Variants in KLHL22 observed in about 807,000 individuals in gnomAD.
The protein encoded by KLHL22 is kelch like family member 22.
KLHL22 carries 18 observed loss-of-function variants against 60.7 expected under a neutral mutation model. The observed-to-expected ratio is 0.30, with a 90% confidence interval of 0.20 to 0.44. The LOEUF (loss-of-function observed/expected upper bound fraction) is 0.44. Ranked by LOEUF, KLHL22 falls within the 20% of genes least tolerant of loss-of-function variation. The probability of loss-of-function intolerance (pLI) is 1.00; values close to 1 mark genes in which losing one functional copy is unlikely to be tolerated. For synonymous variants in KLHL22, 355 were observed against 354.5 expected, an observed-to-expected ratio of 1.00 and a Z score of -0.01; for missense variants, 596 against 852.3, an observed-to-expected ratio of 0.70 and a Z score of 3.74.
chr22:20,476,850 A>G (rs1230925254), intron 2 of KLHL22, among the ~76,000 whole-genome samples: 1 of 151,006 alleles, frequency 6.6e-6, no homozygotes, highest in Non-Finnish European at 1.5e-5. Flanking sequence ...CTGGAATTAT[A>G]GGCATGTGCC....
chr22:20,483,268 G>A, intron 2 of KLHL22: 1 of 700,564 alleles, frequency 1.4e-6, no homozygotes, highest in Non-Finnish European at 2.6e-6. Flanking sequence ...GGTGACCACT[G>A]TGGTGCTCTC....
chr22:20,489,313 C>A, intron 1 of KLHL22, 69 bp from the exon 2 acceptor site: 2 of 1,157,886 alleles, frequency 1.7e-6, no homozygotes, highest in Non-Finnish European at 2.5e-6. Context: ...ACAGACTGGC[C>A]AGCTCTGTTG....
chr22:20,470,394 A>ATCCAAAGTGG (rs2053296277), intron 3 of KLHL22, among the ~76,000 whole-genome samples: 1 of 151,844 alleles, frequency 6.6e-6, no homozygotes, highest in Admixed American at 6.6e-5. Flanking sequence ...TCACACCTGT[A>ATCCAAAGTGG]ATCGCAACAC....
chr22:20,470,786 A>AGATGGATAGATGGATG (rs2053309271), intron 3 of KLHL22, among the ~76,000 whole-genome samples: 1 of 137,648 alleles, frequency 7.3e-6, no homozygotes, highest in Admixed American at 7.2e-5. Flanking sequence ...ATGGATGGAT[A>AGATGGATAGATGGATG]GATGGATGGA....
intron 1 of KLHL22, chr22:20,489,742 TAATGGATGCATAAA>T (rs1184043737): frequency 2.1e-6 from 1 of 471,186 alleles, no homozygotes; most frequent in Non-Finnish European, 4.4e-6. Flanking sequence ...TTCCTCATAG[TAATGGATGCATAAA>T]AATGGCAAGA....
intron 2 of KLHL22, among the ~76,000 whole-genome samples, chr22:20,473,636 G>A (rs1283242191): frequency 1.3e-5 from 2 of 152,200 alleles, no homozygotes; most frequent in African/African-American, 2.4e-5. Flanking sequence ...AGGACTTTGG[G>A]AGGCCGAGGC....
Position 20,441,946 on chromosome 22 carries a change from G to T in KLHL22, c.*127C>A. Reference sequence around the variant, plus strand: ...GGGCTGGTGTGAAGAAAGAGGGCAGGGCCCATAAGCTGTGGCCAACAGGGG... The same window carrying T: ...GGGCTGGTGTGAAGAAAGAGGGCAGTGCCCATAAGCTGTGGCCAACAGGGG... On this transcript the variant is annotated 3_prime_UTR_variant, in exon 7 of 7. Transcript: ENST00000328879. 2.1e-6 allele frequency: 2 copies of T among 946,794 alleles called. No homozygotes were observed. The highest frequency in any genetic ancestry group is 3.0e-6 in the Non-Finnish European group (2 of 668,050). 58.6% of individuals were successfully genotyped at this position (946,794 alleles called of 1,614,324 possible).
intron 1 of KLHL22, among the ~76,000 whole-genome samples, chr22:20,494,042 G>A (rs1285475492): frequency 1.5e-5 from 2 of 131,274 alleles, no homozygotes; most frequent in Non-Finnish European, 3.2e-5. Flanking sequence ...TTGTGCCATT[G>A]CACTCCAGCC....
At chr22:20,483,497 C>T (rs1275554820) in intron 2 of KLHL22, 8 of 734,230 alleles carry the variant, frequency 1.1e-5, no homozygotes, top group South Asian at 4.0e-5. Flanking sequence ...TTGAGAGCTT[C>T]GATCTCTGTC....
chr22:20,493,242 A>T (rs1346792961), intron 1 of KLHL22: 4 of 471,056 alleles, frequency 8.5e-6, no homozygotes, highest in Non-Finnish European at 1.8e-5. Flanking sequence ...ACGGTAAAAC[A>T]GAAAGACATC....
chr22:20,452,956 G>C (rs2053002733), intron 5 of KLHL22, among the ~76,000 whole-genome samples: 3 of 152,112 alleles, frequency 2.0e-5, no homozygotes, highest in African/African-American at 7.2e-5. Context: ...CTTTAGTGTA[G>C]ATTTTATTCA....
intron 2 of KLHL22, chr22:20,488,685 A>AGGGGC: frequency 2.3e-6 from 1 of 440,682 alleles, no homozygotes; most frequent in Non-Finnish European, 4.1e-6. Context: ...ATGGTAAGGG[A>AGGGGC]GGGGAGGAGA....
chr22:20,442,071 G>T lies in KLHL22; in HGVS notation c.*2C>A, dbSNP rs780121706. 2 of 1,501,638 alleles carry T rather than the reference G, an allele frequency of 1.3e-6. No homozygotes were observed. The highest frequency in any genetic ancestry group is 2.3e-5 in the Admixed American group (1 of 42,690). The allele number at this position is 1,501,638 out of a possible 1,614,324, so 93.0% of individuals were successfully genotyped here. ...TTCCCTCTGATGCCAGGCACAGGGA[G>T]CCTAGTCCTCACTGGAGTTGTCAAA... On this transcript the variant is annotated 3_prime_UTR_variant, in exon 7 of 7. Coordinates refer to ENST00000328879, the MANE Select transcript of KLHL22 (RefSeq NM_032775.4).
chr22:20,462,226 G>A (rs368139312), intron 4 of KLHL22, among the ~76,000 whole-genome samples: 26 of 136,802 alleles, frequency 1.9e-4, no homozygotes, highest in East Asian at 1.0e-3. Context: ...GCAGTGAGCC[G>A]AGATCGTGCC....
chr22:20,478,349 G>A (rs1002474120), intron 2 of KLHL22, among the ~76,000 whole-genome samples: 2 of 151,452 alleles, frequency 1.3e-5, no homozygotes, highest in East Asian at 3.9e-4. Context: ...GGGATTACAG[G>A]CATGCGCCAC....
At chr22:20,449,276 G>A (rs1041508232) in intron 5 of KLHL22, among the ~76,000 whole-genome samples, 12 of 152,072 alleles carry the variant, frequency 7.9e-5, no homozygotes, top group Admixed American at 5.2e-4. Context: ...TAGCCAGGAT[G>A]GTCTCAATCT....
intron 1 of KLHL22, among the ~76,000 whole-genome samples, chr22:20,494,454 C>T (rs2053738817): frequency 6.6e-6 from 1 of 152,078 alleles, no homozygotes; most frequent in African/African-American, 2.4e-5. Flanking sequence ...GGTCTTGGCT[C>T]ACTGCAGCCT....
In KLHL22 at chr22:20,457,925, A is replaced by C; in HGVS notation, c.1188T>G (p.Val396=). The part of the protein sequence containing the change: ...QQEHADLSVC[V]VGRYIYAVAG... ...CCACAGCGTAGATGTACCTGCCTAC[A>C]ACACACACGGACAGGTCGGCGTGCT... Residue 396 remains valine, a synonymous_variant, in exon 5 of 7, where the codon GTT becomes GTG. Coordinates refer to ENST00000328879, the MANE Select transcript of KLHL22 (RefSeq NM_032775.4). 6.2e-7 allele frequency: 1 copy of C among 1,614,182 alleles called. No individual in the cohort carries two copies.
In KLHL22 at chr22:20,465,261, GC is replaced by G; in HGVS notation, c.708del (p.Glu236AspfsTer13). ...CGCACTGTCTCAAGGAGCTTTGGGG[GC>G]TCGTGCAGCGAGATCTGGTCAGCCT... is the stretch of plus-strand genomic sequence containing the variant. Reference protein sequence around the residue: ...QVQADQISLHEPPKLLETVRF... With the variant: ...QVQADQISLHXPPKLLETVRF... On this transcript the variant is annotated frameshift_variant, in exon 4 of 7. Coordinates refer to ENST00000328879, the MANE Select transcript of KLHL22 (RefSeq NM_032775.4). LOFTEE classifies it high-confidence loss of function. The surrounding 1 kb of genome is among the most constrained non-coding windows in gnomAD (Gnocchi z 4.9). 1 of 1,613,982 alleles carries G rather than the reference GC, an allele frequency of 6.2e-7. No homozygotes were observed. The highest frequency in any genetic ancestry group is 8.5e-7 in the Non-Finnish European group (1 of 1,180,010).
Sources: allele counts gnomAD v4.1 joint callset (sites outside exome capture counted in the v4.1 genomes callset), GRCh38; gene constraint gnomAD v4.1.1; non-coding constraint Gnocchi (gnomAD v3.1); transcripts MANE v1.5; gene names NCBI Gene and HGNC (gene_info 2026-07-23, HGNC 2026-07-21).